The following NCALD variants were observed in gnomAD, a reference collection of about 807,000 sequenced individuals.
The protein encoded by NCALD is neurocalcin-delta.
A neutral mutation model predicts 18.6 loss-of-function variants in NCALD; 10 were observed. The ratio of observed to expected loss-of-function variants is 0.54; its 90% confidence interval spans 0.33 to 0.91. The LOEUF is 0.91. Ranked by LOEUF, NCALD falls within the 40% of genes least tolerant of loss-of-function variation. The pLI, the probability that NCALD is intolerant of heterozygous loss-of-function variation, is 0.03. For synonymous variants in NCALD, 88 were observed against 87.4 expected (o/e 1.01, Z -0.04); for missense variants, 184 against 247.6 (o/e 0.74, Z 1.72).
At chr8:101,983,264 C>A (rs1228606688) in intron 2 of NCALD, among the ~76,000 whole-genome samples, 1 of 152,200 alleles carries the variant, frequency 6.6e-6, no homozygotes, top group Non-Finnish European at 1.5e-5. Flanking sequence ...CCTGGCTCAT[C>A]TCAGGGGCTC....
intron 2 of NCALD, among the ~76,000 whole-genome samples, chr8:102,013,585 G>A (rs888545862): frequency 1.3e-5 from 2 of 152,116 alleles, no homozygotes; most frequent in African/African-American, 2.4e-5. Context: ...GACTCCACTG[G>A]GAGGCATGAC....
chr8:102,085,730 G>A (rs1824715584), intron 1 of NCALD, among the ~76,000 whole-genome samples: 1 of 151,542 alleles, frequency 6.6e-6, no homozygotes, highest in South Asian at 2.1e-4. Flanking sequence ...CTCCAGCCTG[G>A]GTGACAGCAA....
chr8:102,107,481 A>G lies in NCALD; in HGVS notation c.-210+16756T>C, dbSNP rs188734345. Among the ~76,000 whole-genome samples, 211 of 152,192 alleles carry G rather than the reference A, an allele frequency of 1.4e-3. 2 individuals carry two copies. The highest frequency in any genetic ancestry group is 4.9e-3 in the African/African-American group (204 of 41,508). On this transcript the variant is annotated intron_variant, in intron 1 of 6. Coordinates refer to the NCALD transcript ENST00000311028. ...AAAATCAAGGTATGAACTTTTTAGT[A>G]TAATTGCTACTCTAAAAATCAGAGA...
intron 1 of NCALD, among the ~76,000 whole-genome samples, chr8:102,107,239 T>TATATAC (rs1316267759): frequency 7.2e-5 from 8 of 110,468 alleles, no homozygotes; most frequent in South Asian, 2.8e-4. Flanking sequence ...TATATATATA[T>TATATAC]ACACATAGAA....
At chr8:101,996,343 G>T (rs1414868277) in intron 2 of NCALD, among the ~76,000 whole-genome samples, 1 of 152,220 alleles carries the variant, frequency 6.6e-6, no homozygotes, top group Non-Finnish European at 1.5e-5. Context: ...AGCCAGTCTT[G>T]TTGCTGGGCA....
At chr8:101,857,346 T>C (rs979809502) in intron 4 of NCALD, among the ~76,000 whole-genome samples, 1 of 152,120 alleles carries the variant, frequency 6.6e-6, no homozygotes, top group African/African-American at 2.4e-5. Context: ...ATGGCTCCTA[T>C]CCCAAACACA....
chr8:101,897,254 A>G (rs2131546832), intron 3 of NCALD, among the ~76,000 whole-genome samples: 1 of 148,982 alleles, frequency 6.7e-6, no homozygotes, highest in East Asian at 2.0e-4. Flanking sequence ...TTCTCAGTAA[A>G]CTATCGCAAG....
At chr8:102,110,185 C>T (rs1450397509) in intron 1 of NCALD, among the ~76,000 whole-genome samples, 1 of 152,094 alleles carries the variant, frequency 6.6e-6, no homozygotes, top group East Asian at 1.9e-4. Flanking sequence ...TGAATTGTTT[C>T]TCTTGTTATC....
rs183515379 is a variant in NCALD at position 102,035,985 on chromosome 8, C to A, written c.-209-15696G>T. Among the ~76,000 whole-genome samples the A allele has an allele frequency of 7.6e-4, 115 of 152,126 alleles. 4 individuals are homozygous for A. The highest frequency in any genetic ancestry group is 6.3e-3 in the Admixed American group (96 of 15,270). Reference sequence around the variant, plus strand: ...GAACACAGAGACTGTGACAAAATATCTCTAGTAGAAGATCAGAAGCTGGTC... The same window carrying A: ...GAACACAGAGACTGTGACAAAATATATCTAGTAGAAGATCAGAAGCTGGTC... On this transcript the variant is annotated intron_variant, in intron 1 of 6. Transcript: ENST00000311028.
chr8:102,029,299 A>G (rs1396992588), intron 1 of NCALD, among the ~76,000 whole-genome samples: 1 of 152,236 alleles, frequency 6.6e-6, no homozygotes, highest in Non-Finnish European at 1.5e-5. Context: ...TTAATCCAAC[A>G]GGCAACAGGA....
intron 2 of NCALD, among the ~76,000 whole-genome samples, chr8:101,989,766 A>C (rs1820970594): frequency 6.6e-6 from 1 of 152,246 alleles, no homozygotes; most frequent in African/African-American, 2.4e-5. Flanking sequence ...TCATCTGATT[A>C]GAGCTGTGGT....
chr8:102,008,969 A>ACACACAC (rs1215721845), intron 2 of NCALD, among the ~76,000 whole-genome samples: 2 of 111,802 alleles, frequency 1.8e-5, no homozygotes, highest in Admixed American at 9.6e-5. Flanking sequence ...CACACACACA[A>ACACACAC]GCCCTAAAAG....
intron 2 of NCALD, among the ~76,000 whole-genome samples, chr8:101,985,396 G>A (rs1272827210): frequency 1.3e-5 from 2 of 152,204 alleles, no homozygotes; most frequent in African/African-American, 4.8e-5. Context: ...TGATTGTTGT[G>A]TTAAGCCCCT....
At chr8:102,008,143 C>T (rs894675901) in intron 2 of NCALD, among the ~76,000 whole-genome samples, 1 of 152,270 alleles carries the variant, frequency 6.6e-6, no homozygotes, top group East Asian at 1.9e-4. Context: ...CAATGTTAAT[C>T]GAGCACCTAT....
At position 101,731,053 on chromosome 8, in the gene NCALD, G is replaced by A. The variant is rs139992825; in HGVS notation, c.-19-11405C>T. On this transcript the variant is annotated intron_variant, in intron 1 of 3. Transcript: ENST00000220931. ...CAGAAGCCAGGGAAGACCCCACTGA[G>A]AAAGCAACATTGGAAAAAGACCAGA... Among the ~76,000 whole-genome samples the A allele has an allele frequency of 8.0e-3, 1,213 of 152,286 alleles. 10 individuals carry two copies. Among genetic ancestry groups the A allele is most frequent in the Non-Finnish European group, 0.012 (841 of 68,022 alleles).
At chr8:102,108,721 A>G (rs1034707387) in intron 1 of NCALD, among the ~76,000 whole-genome samples, 5 of 152,220 alleles carry the variant, frequency 3.3e-5, no homozygotes, top group Admixed American at 2.0e-4. Context: ...TGGACAGAGC[A>G]GGTTCACAAT....
intron 3 of NCALD, among the ~76,000 whole-genome samples, chr8:101,898,700 T>C (rs1421145421): frequency 6.6e-6 from 1 of 152,102 alleles, no homozygotes; most frequent in African/African-American, 2.4e-5. Flanking sequence ...TGTGGGGTGA[T>C]GAATATGTGA....
intron 4 of NCALD, among the ~76,000 whole-genome samples, chr8:101,860,175 TC>T (rs776996700): frequency 1.3e-4 from 20 of 152,296 alleles, no homozygotes; most frequent in Non-Finnish European, 2.8e-4. Flanking sequence ...ATGACAAATA[TC>T]TTTTCATACA....
In NCALD at chr8:102,006,243, T is replaced by C. The variant is rs560439759; in HGVS notation, c.-157+13994A>G. The stretch of plus-strand genomic sequence containing the variant: ...CATTAACCCACTAAAAGGATATTTG[T>C]TGAATTTGCAACAAGTTGACAAGCT... On this transcript the variant is annotated intron_variant, in intron 2 of 6. Coordinates refer to the NCALD transcript ENST00000311028. Among the ~76,000 whole-genome samples the C allele has an allele frequency of 2.6e-5, 4 of 152,348 alleles. No individual in the cohort carries two copies. In the South Asian group the frequency reaches 8.3e-4, roughly 32 times the overall value.
Sources: allele counts gnomAD v4.1 joint callset (sites outside exome capture counted in the v4.1 genomes callset), GRCh38; gene constraint gnomAD v4.1.1; transcripts MANE v1.5; gene names NCBI Gene and HGNC (gene_info 2026-07-23, HGNC 2026-07-21).